Variants in LSAMP observed in about 807,000 individuals in gnomAD.
LSAMP encodes the protein limbic system-associated membrane protein.
Under a neutral mutation model 38.6 loss-of-function variants are expected in LSAMP, and 7 were observed. The observed-to-expected ratio is 0.18, with a 90% CI of 0.10 to 0.34. The LOEUF is 0.34. Ranked by LOEUF, LSAMP falls within the 10% of genes least tolerant of loss-of-function variation. LSAMP has a pLI of 1.00. For synonymous variants in LSAMP, 154 were observed against 166.8 expected (o/e 0.92, Z 0.59); for missense variants, 313 against 420.0 (o/e 0.75, Z 2.23).
In LSAMP at chr3:116,356,454, G is replaced by A. The variant is rs117229169; in HGVS notation, c.155+88423C>T. Among the ~76,000 whole-genome samples the A allele has an allele frequency of 3.3e-3, 498 of 152,260 alleles. 26 individuals carry two copies. The East Asian group carries it at 0.087, about 26-fold the overall frequency. On this transcript the variant is annotated intron_variant, in intron 1 of 6. Transcript: ENST00000490035. The stretch of plus-strand genomic sequence containing the variant: ...AGAATGGAGGTGGTGGGAGTGGGTG[G>A]TGGGAAATGGGGAAGGCTAATAGGT...
chr3:116,271,043 T>C (rs1397481751), intron 1 of LSAMP, among the ~76,000 whole-genome samples: 1 of 152,004 alleles, frequency 6.6e-6, no homozygotes, highest in East Asian at 1.9e-4. Context: ...TTTAAAAAGG[T>C]AGAAATATAG....
chr3:115,852,501 C>T lies in LSAMP; in HGVS notation c.631G>A (p.Val211Ile), dbSNP rs1935366096. 2.0e-5 allele frequency: 33 copies of T among 1,612,440 alleles called. No individual in the cohort carries two copies. Among genetic ancestry groups the T allele is most frequent in the Non-Finnish European group, 2.8e-5 (33 of 1,179,322 alleles). Residue 211 changes from valine (V) to isoleucine (I), a missense_variant, in exon 4 of 7, where the codon GTC (valine) becomes ATC (isoleucine). By Grantham distance (29) the Val-to-Ile change is conservative. Coordinates refer to ENST00000490035, the MANE Select transcript of LSAMP (RefSeq NM_002338.5). ...TACTCACAGTTCACAGTGACCTTGA[C>T]TTGTTTGACATCCGCCGAGGAGACC... Reference protein sequence around the residue: ...NEVSSADVKQVKVTVNYPPTI... With the variant: ...NEVSSADVKQIKVTVNYPPTI...
chr3:116,196,080 C>T (rs1710876655), intron 1 of LSAMP, among the ~76,000 whole-genome samples: 1 of 152,158 alleles, frequency 6.6e-6, no homozygotes, highest in African/African-American at 2.4e-5. Context: ...GAGACTGAGC[C>T]ATAAGGGTCA....
intron 2 of LSAMP, among the ~76,000 whole-genome samples, chr3:116,058,683 G>A (rs1941535775): frequency 6.6e-6 from 1 of 152,096 alleles, no homozygotes; most frequent in South Asian, 2.1e-4. Context: ...TGTGAAGTAT[G>A]CTGCATAAAA....
chr3:116,428,684 C>T (rs1463796482), intron 1 of LSAMP, among the ~76,000 whole-genome samples: 1 of 152,150 alleles, frequency 6.6e-6, no homozygotes, highest in East Asian at 1.9e-4. Context: ...GGCTTGGGAA[C>T]TGACTGCCTA....
At chr3:115,976,162 G>A (rs1939182479) in intron 3 of LSAMP, among the ~76,000 whole-genome samples, 1 of 152,138 alleles carries the variant, frequency 6.6e-6, no homozygotes. Flanking sequence ...TCCTTAAAGA[G>A]AATTTGGATC....
chr3:115,824,226 T>C (rs1362861062), intron 6 of LSAMP, among the ~76,000 whole-genome samples: 1 of 152,198 alleles, frequency 6.6e-6, no homozygotes, highest in Non-Finnish European at 1.5e-5. Context: ...AGTAAATTTA[T>C]TTGGATCAGC....
chr3:116,278,679 AG>A (rs2047085322), intron 1 of LSAMP, among the ~76,000 whole-genome samples: 1 of 152,190 alleles, frequency 6.6e-6, no homozygotes, highest in African/African-American at 2.4e-5. Flanking sequence ...TATCTAGTAA[AG>A]TTAGCTCTTT....
chr3:116,027,307 G>T (rs939052579), intron 2 of LSAMP, among the ~76,000 whole-genome samples: 9 of 152,188 alleles, frequency 5.9e-5, no homozygotes, highest in African/African-American at 1.7e-4. Context: ...CGTCATGAAA[G>T]AGTAACCACC....
At chr3:116,180,537 T>C (rs896049355) in intron 1 of LSAMP, among the ~76,000 whole-genome samples, 2 of 152,150 alleles carry the variant, frequency 1.3e-5, no homozygotes, top group Non-Finnish European at 2.9e-5. Context: ...TATTGGCTAA[T>C]AGAAAAAGGT....
chr3:115,821,112 TTC>T (rs1934222107), intron 6 of LSAMP, among the ~76,000 whole-genome samples: 1 of 152,220 alleles, frequency 6.6e-6, no homozygotes, highest in African/African-American at 2.4e-5. Flanking sequence ...TGTGATTTTT[TTC>T]TCTTTCTCTG....
chr3:115,952,239 T>C (rs892050684), intron 3 of LSAMP, among the ~76,000 whole-genome samples: 14 of 152,122 alleles, frequency 9.2e-5, no homozygotes, highest in African/African-American at 2.9e-4. Flanking sequence ...GGAAAAGAAG[T>C]CATTATCTGA....
intron 1 of LSAMP, among the ~76,000 whole-genome samples, chr3:116,233,932 G>A (rs1230221651): frequency 1.3e-5 from 2 of 152,194 alleles, no homozygotes; most frequent in African/African-American, 4.8e-5. Context: ...TCTATGATCT[G>A]CAGAAAATTC....
At position 116,381,714 on chromosome 3, in the gene LSAMP, C is replaced by T. The variant is rs907227690; in HGVS notation, c.155+63163G>A. ...TATGTTGCTTATTAGAGAGTGCATT[C>T]CTTCCACAAAATGAATCTTACTTTC... On this transcript the variant is annotated intron_variant, in intron 1 of 6. Coordinates refer to ENST00000490035, the MANE Select transcript of LSAMP (RefSeq NM_002338.5). 7.9e-5 allele frequency among the ~76,000 whole-genome samples: 12 copies of T among 152,044 alleles called. 1 individual carries two copies. Among genetic ancestry groups the T allele is most frequent in the Admixed American group, 2.6e-4 (4 of 15,256 alleles).
rs142243081 is a variant in LSAMP, at chr3:116,356,057, C to T, written c.155+88820G>A. Among the ~76,000 whole-genome samples the T allele has an allele frequency of 4.5e-3, 691 of 152,236 alleles. 11 individuals carry two copies. Among genetic ancestry groups the T allele is most frequent in the East Asian group, 0.03 (157 of 5,164 alleles). ...ACTAAAAATAGAATTACCATATGAT[C>T]AAGCAATCCCACTGCTAGCTATATA... On this transcript the variant is annotated intron_variant, in intron 1 of 6. Transcript: ENST00000490035.
At position 116,083,753 on chromosome 3, in the gene LSAMP, T is replaced by A. The variant is rs369170802; in HGVS notation, c.388+2571A>T. 3.3e-5 allele frequency among the ~76,000 whole-genome samples: 5 copies of A among 152,040 alleles called. No homozygotes were observed. The East Asian group carries it at 9.6e-4, about 29-fold the overall frequency. Reference sequence around the variant, plus strand: ...AGGGAGATGTCAGCCATTCCTAGAGTTAGTATCTTTGATGTGGTGAAAACA... The same window carrying A: ...AGGGAGATGTCAGCCATTCCTAGAGATAGTATCTTTGATGTGGTGAAAACA... On this transcript the variant is annotated intron_variant, in intron 2 of 6. Transcript: ENST00000490035.
intron 3 of LSAMP, among the ~76,000 whole-genome samples, chr3:115,875,967 T>A (rs1472040153): frequency 1.3e-5 from 2 of 152,138 alleles, no homozygotes; most frequent in African/African-American, 4.8e-5. Context: ...GGCAAAATTC[T>A]CCCCTAACTT....
intron 3 of LSAMP, among the ~76,000 whole-genome samples, chr3:115,857,564 T>C (rs542091430): frequency 6.6e-6 from 1 of 152,328 alleles, no homozygotes; most frequent in South Asian, 2.1e-4. Flanking sequence ...TTTGGTATTT[T>C]AAACATCTCA....
chr3:116,136,221 G>A (rs1038162110), intron 1 of LSAMP, among the ~76,000 whole-genome samples: 1 of 152,062 alleles, frequency 6.6e-6, no homozygotes, highest in African/African-American at 2.4e-5. Flanking sequence ...GAGCATGTTT[G>A]GAACAAATTA....
Sources: allele counts gnomAD v4.1 joint callset (sites outside exome capture counted in the v4.1 genomes callset), GRCh38; gene constraint gnomAD v4.1.1; transcripts MANE v1.5; gene names NCBI Gene and HGNC (gene_info 2026-07-23, HGNC 2026-07-21).